The following FBXO40 variants were observed in gnomAD, a reference collection of about 807,000 sequenced individuals.
The protein encoded by FBXO40 is F-box only protein 40.
A neutral mutation model predicts 49.9 loss-of-function variants in FBXO40; 50 were observed. That is an observed-to-expected ratio of 1.00 (90% CI 0.80 to 1.27). FBXO40 has a LOEUF of 1.27. FBXO40 is among the 50% of genes most tolerant of loss of function. FBXO40 has a pLI of 0.00. For missense variants in FBXO40, 895 were observed against 870.1 expected (o/e 1.03, Z -0.36); for synonymous variants, 340 against 320.2 (o/e 1.06, Z -0.66).
At chr3:121,605,763 C>T (rs1042999344) in intron 1 of FBXO40, among the ~76,000 whole-genome samples, 1 of 152,194 alleles carries the variant, frequency 6.6e-6, no homozygotes, top group Admixed American at 6.6e-5. Flanking sequence ...CATTGGGTTA[C>T]ATTGTTCCAA....
chr3:121,612,327 G>A (rs2048970805), intron 1 of FBXO40, among the ~76,000 whole-genome samples: 1 of 152,168 alleles, frequency 6.6e-6, no homozygotes, highest in Non-Finnish European at 1.5e-5. Context: ...AGGCTCTTTG[G>A]GGAACGAATG....
intron 1 of FBXO40, among the ~76,000 whole-genome samples, chr3:121,608,250 G>A (rs1223683286): frequency 2.6e-5 from 4 of 152,310 alleles, no homozygotes; most frequent in Non-Finnish European, 5.9e-5. Context: ...ATATCCGAGT[G>A]ATGTTTTCTG....
rs2049034377 is a variant in FBXO40 at position 121,621,988 on chromosome 3, G to C, written c.559G>C (p.Ala187Pro). 2.5e-6 allele frequency: 4 copies of C among 1,614,112 alleles called. No individual in the cohort carries two copies. In the African/African-American group the frequency reaches 5.3e-5, roughly 22 times the overall value. ...DIGLVPHGLS[A>P]TNGEMAELSQ... is the part of the protein sequence containing the mutation. ...CGGTTTGGTACCACATGGTCTGTCA[G>C]CAACTAATGGGGAGATGGCAGAGCT... is the stretch of plus-strand genomic sequence containing the variant. The change falls in exon 3 of 4, where the codon GCA becomes CCA. Residue 187 changes from alanine to proline, a missense_variant. Ala to Pro is a conservative substitution (Grantham distance 27). Coordinates refer to ENST00000338040, the MANE Select transcript of FBXO40 (RefSeq NM_016298.4).
At chr3:121,606,190 G>T (rs1355573680) in intron 1 of FBXO40, among the ~76,000 whole-genome samples, 1 of 152,156 alleles carries the variant, frequency 6.6e-6, no homozygotes, top group East Asian at 1.9e-4. Context: ...AGCTTCCAAG[G>T]ATTTCTCCTG....
rs1372594558 is a variant in FBXO40 at position 121,627,096 on chromosome 3, G to C, written c.*186G>C. On this transcript the variant is annotated 3_prime_UTR_variant, in exon 4 of 4. Coordinates refer to ENST00000338040, the MANE Select transcript of FBXO40 (RefSeq NM_016298.4). ...CTAAGAATTTCCTAAGCCATGTCTT[G>C]TACCATAGTGCCACATTGATGACTT... The C allele has an allele frequency of 1.7e-6, 1 of 590,758 alleles. No homozygotes were observed. The highest frequency in any genetic ancestry group is 3.0e-6 in the Non-Finnish European group (1 of 333,346). 36.6% of individuals were successfully genotyped at this position (590,758 alleles called of 1,614,324 possible). A position where few individuals can be genotyped will look rare whatever the true frequency, so the allele number is the denominator to read the frequency against.
intron 1 of FBXO40, among the ~76,000 whole-genome samples, chr3:121,618,939 G>A (rs1475980111): frequency 1.3e-5 from 2 of 150,920 alleles, no homozygotes; most frequent in African/African-American, 4.9e-5. Flanking sequence ...TTTAAGTTGG[G>A]GGAAATTTTA....
Position 121,626,988 on chromosome 3 carries a change from G to C in FBXO40, c.*78G>C. 2 of 1,384,588 alleles carry C rather than the reference G, an allele frequency of 1.4e-6. No homozygotes were observed. Among genetic ancestry groups the C allele is most frequent in the Admixed American group, 1.8e-5 (1 of 55,316 alleles). The allele number at this position is 1,384,588 out of a possible 1,614,324, so 85.8% of individuals were successfully genotyped here. ...GAAGTAGGACAGAGTGTGTGGTTTTGAGGACTCCCTTCTGTAAACTGCCTA... is the reference window on the plus strand; with the variant it reads ...GAAGTAGGACAGAGTGTGTGGTTTTCAGGACTCCCTTCTGTAAACTGCCTA... On this transcript the variant is annotated 3_prime_UTR_variant, in exon 4 of 4. Coordinates refer to ENST00000338040, the MANE Select transcript of FBXO40 (RefSeq NM_016298.4).
intron 1 of FBXO40, among the ~76,000 whole-genome samples, chr3:121,595,473 A>T (rs4676732): frequency 0.45 from 68,987 of 152,096 alleles, 16,382 homozygotes; most frequent in East Asian, 0.73. Context: ...TACTGATACA[A>T]AAGCACCAGA....
At position 121,593,435 on chromosome 3, in the gene FBXO40, G is replaced by C. The variant is rs116666533; in HGVS notation, c.-98G>C. 1 of 152,314 alleles carries C rather than the reference G, an allele frequency of 6.6e-6. No homozygotes were observed. The highest frequency in any genetic ancestry group is 1.5e-5 in the Non-Finnish European group (1 of 68,064). The allele number at this position is 152,314 out of a possible 1,614,324, so 9.4% of individuals were successfully genotyped here. The stretch of plus-strand genomic sequence containing the variant: ...AGCTGATGCAACCCAGCCACCTCCC[G>C]GCAATCCGCTTACTTGCAATCAAGG... On this transcript the variant is annotated 5_prime_UTR_variant, in exon 1 of 4. Transcript: ENST00000338040.
At position 121,628,888 on chromosome 3, in the gene FBXO40, CGTTGA is replaced by C. The variant is rs1427936094; in HGVS notation, c.*1982_*1986del. 1 of 152,160 alleles carries C rather than the reference CGTTGA, an allele frequency of 6.6e-6. No individual in the cohort carries two copies. The allele number at this position is 152,160 out of a possible 1,614,324, so 9.4% of individuals were successfully genotyped here. ...CTTTGGTTATACCTGAAGCCAGGAG[CGTTGA>C]GTTATTAGCCTTGTGTTTATATTCC... On this transcript the variant is annotated 3_prime_UTR_variant, in exon 4 of 4. Coordinates refer to ENST00000338040, the MANE Select transcript of FBXO40 (RefSeq NM_016298.4).
intron 1 of FBXO40, among the ~76,000 whole-genome samples, chr3:121,597,658 C>CTTTTTTTTTTT (rs137900064): frequency 7.8e-6 from 1 of 127,820 alleles, no homozygotes; most frequent in African/African-American, 2.9e-5. Context: ...TTATAGGCCC[C>CTTTTTTTTTTT]CTTTTTTTTT....
chr3:121,611,718 A>G (rs2048966688), intron 1 of FBXO40, among the ~76,000 whole-genome samples: 1 of 152,314 alleles, frequency 6.6e-6, no homozygotes, highest in South Asian at 2.1e-4. Flanking sequence ...ACGAGGCCAT[A>G]TTTCAGACTA....
At chr3:121,610,206 G>A (rs2048957428) in intron 1 of FBXO40, among the ~76,000 whole-genome samples, 1 of 152,232 alleles carries the variant, frequency 6.6e-6, no homozygotes, top group African/African-American at 2.4e-5. Context: ...GGGGGATAAG[G>A]GGCTGGCTCT....
chr3:121,604,513 T>C (rs3845864), intron 1 of FBXO40, among the ~76,000 whole-genome samples: 101,924 of 151,972 alleles, frequency 0.67, 34,460 homozygotes, highest in East Asian at 0.79. Context: ...TTTTCCACCA[T>C]GATGGCCCTG....
chr3:121,606,758 G>A (rs993045367), intron 1 of FBXO40, among the ~76,000 whole-genome samples: 6 of 152,182 alleles, frequency 3.9e-5, no homozygotes, highest in Non-Finnish European at 8.8e-5. Context: ...CCAGGTCTCT[G>A]ATGTTTCCTG....
At chr3:121,623,572 G>T (rs1200548696) in intron 3 of FBXO40, among the ~76,000 whole-genome samples, 1 of 151,972 alleles carries the variant, frequency 6.6e-6, no homozygotes, top group Non-Finnish European at 1.5e-5. Flanking sequence ...TTACTGTGTT[G>T]TGCAGGCTGG....
At chr3:121,603,135 A>G (rs1399041490) in intron 1 of FBXO40, among the ~76,000 whole-genome samples, 1 of 152,250 alleles carries the variant, frequency 6.6e-6, no homozygotes, top group African/African-American at 2.4e-5. Flanking sequence ...TTATAAGGGC[A>G]CTAATTCTAT....
At chr3:121,601,633 C>T (rs1379689393) in intron 1 of FBXO40, among the ~76,000 whole-genome samples, 6 of 152,234 alleles carry the variant, frequency 3.9e-5, no homozygotes, top group Non-Finnish European at 5.9e-5. Flanking sequence ...AGAGTTCTCA[C>T]TGCACGCATA....
At chr3:121,599,403 G>T (rs2048889284) in intron 1 of FBXO40, among the ~76,000 whole-genome samples, 2 of 150,126 alleles carry the variant, frequency 1.3e-5, no homozygotes, top group South Asian at 4.2e-4. Flanking sequence ...GGGAGGTGGA[G>T]GTTGCAGTAA....
Sources: gnomAD v4.1 joint callset for allele counts (sites outside exome capture counted in the v4.1 genomes callset) on GRCh38, gnomAD v4.1.1 for gene constraint, MANE v1.5 for transcripts, NCBI Gene and HGNC (gene_info 2026-07-23, HGNC 2026-07-21) for gene names.